Variants in SRD5A3 observed in about 807,000 individuals in gnomAD.
The protein encoded by SRD5A3 is steroid 5 alpha-reductase 3, also known as polyprenal reductase.
SRD5A3 carries 24 observed loss-of-function variants against 34.3 expected under a neutral mutation model. The observed-to-expected ratio is 0.70, with a 90% confidence interval of 0.51 to 0.99. The LOEUF (loss-of-function observed/expected upper bound fraction) is 0.99, where lower values mean the gene tolerates loss of function less well. Ranked by LOEUF, SRD5A3 falls within the 50% of genes least tolerant of loss-of-function variation. The pLI is 0.00. For missense variants in SRD5A3, 350 were observed against 388.2 expected (o/e 0.90, Z 0.83); for synonymous variants, 161 against 167.3 (o/e 0.96, Z 0.29).
intron 1 of SRD5A3, chr4:55,352,062 TCTG>T (rs1480080812): frequency 1.0e-5 from 8 of 772,170 alleles, no homozygotes; most frequent in South Asian, 4.0e-5. Context: ...ACTCCATACT[TCTG>T]CTCCAATTTC....
At chr4:55,353,406 CGGACCAATCAGCACTCTGTAAAAT>C (rs963828610) in intron 1 of SRD5A3, among the ~76,000 whole-genome samples, 5 of 152,200 alleles carry the variant, frequency 3.3e-5, no homozygotes, top group East Asian at 3.9e-4. Flanking sequence ...TTGGTAAAAA[CGGACCAATCAGCACTCTGTAAAAT>C]GGACCAATCA....
rs1188114346 is a variant in SRD5A3 at position 55,346,534 on chromosome 4, C to T, written c.198C>T (p.Cys66=). ...GGGAGCCGTCGCGCCCCGCCGCCTG[C>T]CGAGCCTTTGATGTCCCCAAGAGGT... ...KCGEPSRPAA[C]RAFDVPKRYF... is the part of the protein sequence containing the mutation. Residue 66 remains cysteine (C), a synonymous_variant, in exon 1 of 5, where the codon TGC becomes TGT. Coordinates refer to ENST00000264228, the MANE Select transcript of SRD5A3 (RefSeq NM_024592.5). The T allele has an allele frequency of 1.3e-6, 2 of 1,597,438 alleles. No individual in the cohort carries two copies. The highest frequency in any genetic ancestry group is 1.4e-5 in the African/African-American group (1 of 72,988).
intron 2 of SRD5A3, among the ~76,000 whole-genome samples, chr4:55,361,110 G>A (rs1045143563): frequency 6.6e-6 from 1 of 152,158 alleles, no homozygotes; most frequent in Non-Finnish European, 1.5e-5. Flanking sequence ...TCTGTCCTTT[G>A]TTCCAGTGGC....
At chr4:55,349,878 A>T (rs1011330492) in intron 1 of SRD5A3, among the ~76,000 whole-genome samples, 3 of 152,226 alleles carry the variant, frequency 2.0e-5, no homozygotes, top group Non-Finnish European at 4.4e-5. Flanking sequence ...ACTAACCTCT[A>T]GCTGAAATTT....
chr4:55,346,506 G>C lies in SRD5A3; in HGVS notation c.170G>C (p.Cys57Ser). The change falls in exon 1 of 5, where the codon TGT becomes TCT. Residue 57 changes from cysteine (C) to serine (S), a missense_variant. Physicochemically the swap from Cys to Ser is moderately radical, Grantham distance 112. This residue lies in a region of SRD5A3 where 159 missense variants were observed against 149.1 expected (regional missense o/e 1.07). Coordinates refer to ENST00000264228, the MANE Select transcript of SRD5A3 (RefSeq NM_024592.5). Reference protein sequence around the residue: ...QDLIRYGKTKCGEPSRPAACR... With the variant: ...QDLIRYGKTKSGEPSRPAACR... Reference sequence around the variant, plus strand: ...CTGATCCGCTATGGGAAAACCAAGTGTGGGGAGCCGTCGCGCCCCGCCGCC... The same window carrying C: ...CTGATCCGCTATGGGAAAACCAAGTCTGGGGAGCCGTCGCGCCCCGCCGCC... The C allele has an allele frequency of 6.2e-7, 1 of 1,600,326 alleles. No homozygotes were observed. Among genetic ancestry groups the C allele is most frequent in the Non-Finnish European group, 8.5e-7 (1 of 1,174,438 alleles).
intron 1 of SRD5A3, 62 bp from the exon 2 acceptor site, chr4:55,359,284 C>A: frequency 6.2e-7 from 1 of 1,603,832 alleles, no homozygotes; most frequent in Middle Eastern, 2.0e-4. Context: ...AAATAATCTT[C>A]CCGTATAAGA....
Position 55,361,672 on chromosome 4 carries a change from C to T in SRD5A3, c.364+2184C>T, listed in dbSNP as rs185482418. Among the ~76,000 whole-genome samples, 70 of 151,980 alleles carry T rather than the reference C, an allele frequency of 4.6e-4. 1 individual carries two copies. In the East Asian group the frequency reaches 0.01, roughly 22 times the overall value. On this transcript the variant is annotated intron_variant, in intron 2 of 4. Transcript: ENST00000264228. The stretch of plus-strand genomic sequence containing the variant: ...ACAAAAAATTAGCGGGACGTGGTGG[C>T]GCGTGCCTGTAATCCCACTTACTCA...
chr4:55,356,679 G>A (rs1719473908), intron 1 of SRD5A3, among the ~76,000 whole-genome samples: 1 of 151,412 alleles, frequency 6.6e-6, no homozygotes, highest in Admixed American at 6.6e-5. Flanking sequence ...GCCTCATTAT[G>A]TTGCTCAGGC....
chr4:55,364,165 C>G lies in SRD5A3; in HGVS notation c.456C>G (p.Val152=), dbSNP rs371732637. 5.6e-6 allele frequency: 9 copies of G among 1,614,184 alleles called. No individual in the cohort carries two copies. The highest frequency in any genetic ancestry group is 2.7e-5 in the African/African-American group (2 of 75,032). ...RRLFECLYVS[V]FSNVMIHVVQ... ...TCTTCGAGTGCCTCTACGTCAGTGT[C>G]TTCTCCAATGTCATGATTCACGTCG... Residue 152 remains valine (V), a synonymous_variant, in exon 3 of 5, where the codon GTC becomes GTG. Coordinates refer to ENST00000264228, the MANE Select transcript of SRD5A3 (RefSeq NM_024592.5).
intron 1 of SRD5A3, among the ~76,000 whole-genome samples, chr4:55,350,652 A>G (rs1390975978): frequency 2.0e-5 from 3 of 152,246 alleles, no homozygotes; most frequent in Non-Finnish European, 2.9e-5. Flanking sequence ...TTTGAAATGT[A>G]TAACACTCTA....
intron 1 of SRD5A3, 61 bp downstream of exon 1, chr4:55,346,618 G>A (rs1719008362): frequency 1.4e-6 from 2 of 1,441,986 alleles, no homozygotes; most frequent in Non-Finnish European, 1.8e-6. Flanking sequence ...GGGCGCCCCG[G>A]CTCGCGGGCA....
intron 1 of SRD5A3, among the ~76,000 whole-genome samples, chr4:55,358,373 G>A (rs144395241): frequency 3.9e-4 from 60 of 151,936 alleles, no homozygotes; most frequent in African/African-American, 1.4e-3. Context: ...TCTATAAAAA[G>A]TTTAAGAATT....
At chr4:55,368,400 A>T (rs1181409994) in intron 4 of SRD5A3, among the ~76,000 whole-genome samples, 2 of 63,532 alleles carry the variant, frequency 3.1e-5, no homozygotes, top group Non-Finnish European at 6.1e-5. Context: ...GAATAGTTTT[A>T]TTTATTTATT....
In SRD5A3 at chr4:55,371,432, C is replaced by T. The variant is rs548957767; in HGVS notation, c.*1341C>T. 14 of 152,288 alleles carry T rather than the reference C, an allele frequency of 9.2e-5. No homozygotes were observed. The highest frequency in any genetic ancestry group is 3.4e-4 in the African/African-American group (14 of 41,556). The allele number at this position is 152,288 out of a possible 1,614,324, so 9.4% of individuals were successfully genotyped here. A position where few individuals can be genotyped will look rare whatever the true frequency, so the allele number is the denominator to read the frequency against. On this transcript the variant is annotated 3_prime_UTR_variant, in exon 5 of 5. Transcript: ENST00000264228. ...AACACATTAAAACTGCACACTTGTG[C>T]AGCGTAAGATTCTCTGGCTTATTGG...
chr4:55,362,810 G>A (rs1203015672), intron 2 of SRD5A3, among the ~76,000 whole-genome samples: 3 of 149,546 alleles, frequency 2.0e-5, no homozygotes, highest in African/African-American at 4.9e-5. Flanking sequence ...TCTTTATGGT[G>A]TGCATGCGTG....
intron 2 of SRD5A3, among the ~76,000 whole-genome samples, chr4:55,362,751 AC>A (rs1719733256): frequency 6.6e-6 from 1 of 151,310 alleles, no homozygotes; most frequent in African/African-American, 2.4e-5. Context: ...GGGTGCTGTT[AC>A]ATGGGTGGGA....
intron 2 of SRD5A3, among the ~76,000 whole-genome samples, chr4:55,360,819 G>C (rs1264758709): frequency 1.3e-5 from 2 of 151,166 alleles, no homozygotes; most frequent in Non-Finnish European, 2.9e-5. Flanking sequence ...CTCCCAAGTA[G>C]CTGGGATTAC....
intron 1 of SRD5A3, among the ~76,000 whole-genome samples, chr4:55,351,324 G>A (rs1453121993): frequency 1.3e-5 from 2 of 151,878 alleles, no homozygotes. Flanking sequence ...CACCCACCTC[G>A]GCCTCCCAAA....
At chr4:55,359,049 T>A in intron 1 of SRD5A3, 1 of 391,180 alleles carries the variant, frequency 2.6e-6, no homozygotes, top group East Asian at 6.1e-5. Flanking sequence ...AGTCCAATTC[T>A]GTTACCCAGC....
Sources: gnomAD v4.1 joint callset for allele counts (sites outside exome capture counted in the v4.1 genomes callset) on GRCh38, gnomAD v4.1.1 for gene constraint, gnomAD v4.1.1 regional missense constraint, MANE v1.5 for transcripts, NCBI Gene and HGNC (gene_info 2026-07-23, HGNC 2026-07-21) for gene names.